The following MAML2 variants were observed in gnomAD, a reference collection of about 807,000 sequenced individuals.
MAML2 encodes mastermind-like protein 2.
MAML2 carries 22 observed loss-of-function variants against 96.1 expected under a neutral mutation model. The observed-to-expected ratio is 0.23, with a 90% confidence interval of 0.16 to 0.33. The LOEUF is 0.33. MAML2 is among the 10% of genes least tolerant of loss of function. The pLI is 1.00. For missense variants in MAML2, 1,367 were observed against 1,392.4 expected, an observed-to-expected ratio of 0.98 and a Z score of 0.29; for synonymous variants, 561 against 521.3, an observed-to-expected ratio of 1.08 and a Z score of -1.04.
intron 1 of MAML2, among the ~76,000 whole-genome samples, chr11:96,203,693 C>A (rs1488236680): frequency 1.3e-5 from 2 of 152,064 alleles, no homozygotes; most frequent in African/African-American, 4.8e-5. Flanking sequence ...AATTCAAATG[C>A]AAAATACATA....
rs1180540858 is a variant in MAML2, at chr11:96,250,744, T to C, written c.513+90639A>G. ...AGTGTTCAATTTCTCTGCCAGGCTG[T>C]CCTTGCATACAGACTAAATAGGGAG... On this transcript the variant is annotated intron_variant, in intron 1 of 4. Coordinates refer to ENST00000524717, the MANE Select transcript of MAML2 (RefSeq NM_032427.4). Among the ~76,000 whole-genome samples, 15 of 152,238 alleles carry C rather than the reference T, an allele frequency of 9.9e-5. No homozygotes were observed. The East Asian group carries it at 2.9e-3, about 29-fold the overall frequency.
intron 1 of MAML2, among the ~76,000 whole-genome samples, chr11:96,132,149 C>A (rs530473190): frequency 2.0e-5 from 3 of 152,312 alleles, no homozygotes; most frequent in Admixed American, 2.0e-4. Context: ...TTTGTTCTCA[C>A]CCATGTCACG....
chr11:96,255,065 C>T (rs1173622245), intron 1 of MAML2, among the ~76,000 whole-genome samples: 1 of 152,100 alleles, frequency 6.6e-6, no homozygotes, highest in Non-Finnish European at 1.5e-5. Context: ...TCAAGCGATC[C>T]GCCCACCGCC....
intron 2 of MAML2, among the ~76,000 whole-genome samples, chr11:96,074,190 T>C (rs1859395107): frequency 6.6e-6 from 1 of 152,244 alleles, no homozygotes; most frequent in South Asian, 2.1e-4. Flanking sequence ...ATCCATTTCA[T>C]TGTATTTTTA....
intron 1 of MAML2, among the ~76,000 whole-genome samples, chr11:96,221,496 G>GCCTTTAAA (rs1862136490): frequency 1.3e-5 from 2 of 152,122 alleles, no homozygotes; most frequent in Admixed American, 1.3e-4. Context: ...CCCGAGGTTA[G>GCCTTTAAA]AGACCCCACC....
chr11:96,337,393 G>T (rs1201337714), intron 1 of MAML2, among the ~76,000 whole-genome samples: 3 of 152,168 alleles, frequency 2.0e-5, no homozygotes, highest in South Asian at 2.1e-4. Context: ...TAACTTGTTT[G>T]ACTTTCTTAA....
At chr11:96,271,646 T>C (rs1332622992) in intron 1 of MAML2, among the ~76,000 whole-genome samples, 1 of 152,134 alleles carries the variant, frequency 6.6e-6, no homozygotes, top group Non-Finnish European at 1.5e-5. Flanking sequence ...TGAAGAAAGA[T>C]GTGTTTGCTT....
chr11:96,088,378 T>G (rs927710502), intron 2 of MAML2, among the ~76,000 whole-genome samples: 2 of 152,212 alleles, frequency 1.3e-5, no homozygotes, highest in Non-Finnish European at 2.9e-5. Flanking sequence ...ACTGATTATA[T>G]AGCTCTGAAA....
chr11:96,007,770 G>T (rs981852131), intron 2 of MAML2, among the ~76,000 whole-genome samples: 23 of 149,684 alleles, frequency 1.5e-4, no homozygotes, highest in African/African-American at 2.5e-5. Context: ...GTAAACTATC[G>T]CAAGAACAAA....
intron 1 of MAML2, among the ~76,000 whole-genome samples, chr11:96,140,396 C>T (rs922348019): frequency 1.3e-5 from 2 of 152,176 alleles, no homozygotes; most frequent in Non-Finnish European, 2.9e-5. Flanking sequence ...ACTGTTATTG[C>T]CTCTGGTGAG....
chr11:96,083,825 G>A (rs1859564510), intron 2 of MAML2, among the ~76,000 whole-genome samples: 1 of 152,138 alleles, frequency 6.6e-6, no homozygotes, highest in Non-Finnish European at 1.5e-5. Flanking sequence ...TGTAGTTGGG[G>A]GAGATTCACA....
chr11:96,093,032 G>A lies in MAML2; in HGVS notation c.999C>T (p.Thr333=), dbSNP rs1489740376. 6.2e-7 allele frequency: 1 copy of A among 1,613,878 alleles called. No homozygotes were observed. Among genetic ancestry groups the A allele is most frequent in the African/African-American group, 1.3e-5 (1 of 74,920 alleles). Residue 333 remains threonine, a synonymous_variant, in exon 2 of 5, where the codon ACC becomes ACT. Transcript: ENST00000524717. The stretch of plus-strand genomic sequence containing the variant: ...TGTTAAATGGGTCATCCTGCTTTAT[G>A]GTGGCATTGATCATGTTCTCCAGTT... The part of the protein sequence containing the change: ...DLELENMINA[T]IKQDDPFNID...
intron 1 of MAML2, among the ~76,000 whole-genome samples, chr11:96,124,186 A>G (rs1037000352): frequency 3.1e-4 from 47 of 151,114 alleles, no homozygotes; most frequent in African/African-American, 1.1e-3. Flanking sequence ...TGATTCCTAC[A>G]CTATTTCCTC....
intron 1 of MAML2, among the ~76,000 whole-genome samples, chr11:96,138,820 C>G (rs1248287096): frequency 6.6e-6 from 1 of 151,952 alleles, no homozygotes; most frequent in African/African-American, 2.4e-5. Context: ...TTTGTATTGT[C>G]CTAGGGTGCT....
intron 2 of MAML2, among the ~76,000 whole-genome samples, chr11:95,998,141 A>AGTCTGGCTGTCT: frequency 7.0e-6 from 1 of 143,652 alleles, no homozygotes; most frequent in East Asian, 2.1e-4. Flanking sequence ...TCTGTCTGTC[A>AGTCTGGCTGTCT]GTCTGTCTGT....
At chr11:96,186,845 C>G (rs539687179) in intron 1 of MAML2, among the ~76,000 whole-genome samples, 1 of 152,204 alleles carries the variant, frequency 6.6e-6, no homozygotes, top group Non-Finnish European at 1.5e-5. Context: ...CCCTTAACAA[C>G]TATTAGCCAG....
At chr11:95,985,449 G>A (rs1174673291) in intron 4 of MAML2, 82 bp downstream of exon 4, 2 of 735,798 alleles carry the variant, frequency 2.7e-6, no homozygotes, top group African/African-American at 3.6e-5. Context: ...ATAATCATAT[G>A]TGAGTTACAG....
chr11:96,318,359 AC>A (rs1863658655), intron 1 of MAML2, among the ~76,000 whole-genome samples: 1 of 152,186 alleles, frequency 6.6e-6, no homozygotes, highest in South Asian at 2.1e-4. Flanking sequence ...ATATGATCGG[AC>A]CCCAAACCTT....
chr11:96,104,079 A>AT (rs1486409249), intron 1 of MAML2, among the ~76,000 whole-genome samples: 1 of 152,088 alleles, frequency 6.6e-6, no homozygotes, highest in Non-Finnish European at 1.5e-5. Flanking sequence ...TCTAAAGTAC[A>AT]TGTTCATGTT....
Sources: gnomAD v4.1 joint callset for allele counts (sites outside exome capture counted in the v4.1 genomes callset) on GRCh38, gnomAD v4.1.1 for gene constraint, MANE v1.5 for transcripts, NCBI Gene and HGNC (gene_info 2026-07-23, HGNC 2026-07-21) for gene names.